ADAMTSL1: variants seen among roughly 807,000 people sequenced by gnomAD.
ADAMTSL1 encodes ADAMTS like 1.
Under a neutral mutation model 201.8 loss-of-function variants are expected in ADAMTSL1, and 126 were observed. The ratio of observed to expected loss-of-function variants is 0.62; its 90% CI spans 0.54 to 0.72. The LOEUF is 0.72. ADAMTSL1 is among the 30% of genes least tolerant of loss of function. The pLI, the probability that ADAMTSL1 is intolerant of heterozygous loss-of-function variation, is 0.00. For synonymous variants in ADAMTSL1, 1,121 were observed against 903.4 expected (o/e 1.24, Z -4.32); for missense variants, 2,679 against 2,277.8 (o/e 1.18, Z -3.59).
intron 20 of ADAMTSL1, among the ~76,000 whole-genome samples, chr9:18,809,989 A>G (rs1295267333): frequency 6.6e-6 from 1 of 152,178 alleles, no homozygotes; most frequent in East Asian, 1.9e-4. Flanking sequence ...GCCAGAGATT[A>G]TGGTAGCATT....
intron 23 of ADAMTSL1, among the ~76,000 whole-genome samples, chr9:18,851,815 G>A (rs1402883164): frequency 6.6e-6 from 1 of 152,176 alleles, no homozygotes; most frequent in Non-Finnish European, 1.5e-5. Context: ...CTTTCCTAGA[G>A]GAAGATCGTG....
At position 18,776,888 on chromosome 9, in the gene ADAMTSL1, G is replaced by A; in HGVS notation, c.2659G>A (p.Ala887Thr). Reference protein sequence around the residue: ...RKLHFVVGGFAYLLPKTAVVL... With the variant: ...RKLHFVVGGFTYLLPKTAVVL... ...GCTGCACTTCGTGGTGGGGGGCTTCGCCTACCTGCTCCCCAAGACGGCGGT... is the reference window on the plus strand; with the variant it reads ...GCTGCACTTCGTGGTGGGGGGCTTCACCTACCTGCTCCCCAAGACGGCGGT... The change falls in exon 19 of 29, where the codon GCC becomes ACC. Residue 887 changes from alanine to threonine, a missense_variant. Transcript: ENST00000380548. The A allele has an allele frequency of 6.2e-7, 1 of 1,611,182 alleles. No homozygotes were observed. The highest frequency in any genetic ancestry group is 8.5e-7 in the Non-Finnish European group (1 of 1,179,138).
chr9:18,207,070 T>G lies in ADAMTSL1; in HGVS notation c.207+43089T>G, dbSNP rs370353101. 6.9e-4 allele frequency among the ~76,000 whole-genome samples: 104 copies of G among 151,606 alleles called. 2 individuals are homozygous for G. In the South Asian group the frequency reaches 0.021, roughly 31 times the overall value. On this transcript the variant is annotated intron_variant, in intron 2 of 29. Coordinates refer to the ADAMTSL1 transcript ENST00000680146. ...ATCCCAGCTACTCAGGAGGCTCAGG[T>G]AGGAGAATCGCTGGAACCTGGGAGG...
chr9:18,110,224 T>A (rs994439610), intron 1 of ADAMTSL1, among the ~76,000 whole-genome samples: 1 of 152,198 alleles, frequency 6.6e-6, no homozygotes, highest in Non-Finnish European at 1.5e-5. Context: ...CTCAAATGGA[T>A]CTGAGGGCCG....
intron 5 of ADAMTSL1, among the ~76,000 whole-genome samples, chr9:18,629,911 C>A (rs1826638362): frequency 6.6e-6 from 1 of 152,078 alleles, no homozygotes; most frequent in Non-Finnish European, 1.5e-5. Context: ...TTATGGAACA[C>A]CATTATAGTA....
At chr9:17,985,765 A>G (rs1818903361) in intron 1 of ADAMTSL1, among the ~76,000 whole-genome samples, 2 of 152,164 alleles carry the variant, frequency 1.3e-5, no homozygotes, top group Admixed American at 1.3e-4. Context: ...GCAAAATAAG[A>G]TTCATGGAGG....
intron 2 of ADAMTSL1, among the ~76,000 whole-genome samples, chr9:18,261,012 CTT>C (rs3085417): frequency 0.24 from 24,547 of 103,746 alleles, 2,002 homozygotes; most frequent in Middle Eastern, 0.38. Flanking sequence ...TTTCCTTTTT[CTT>C]TTTTTTTTTT....
At chr9:18,821,350 C>G (rs995668426) in intron 21 of ADAMTSL1, among the ~76,000 whole-genome samples, 1 of 152,158 alleles carries the variant, frequency 6.6e-6, no homozygotes, top group African/African-American at 2.4e-5. Flanking sequence ...GTGGGTCTGA[C>G]ATCTGGAACA....
intron 2 of ADAMTSL1, among the ~76,000 whole-genome samples, chr9:18,347,822 G>C (rs1470445858): frequency 6.6e-6 from 1 of 152,094 alleles, no homozygotes; most frequent in Non-Finnish European, 1.5e-5. Context: ...TTTTAAGTTA[G>C]GTGTTGAATG....
chr9:18,055,478 C>A (rs992242038), intron 1 of ADAMTSL1, among the ~76,000 whole-genome samples: 1 of 152,180 alleles, frequency 6.6e-6, no homozygotes, highest in Non-Finnish European at 1.5e-5. Context: ...TCTAAAAACC[C>A]TTCTATAAAC....
intron 1 of ADAMTSL1, among the ~76,000 whole-genome samples, chr9:17,974,825 T>C (rs1818376226): frequency 6.6e-6 from 1 of 152,088 alleles, no homozygotes; most frequent in African/African-American, 2.4e-5. Flanking sequence ...TTATGAATAA[T>C]GCTGCAATGA....
intron 2 of ADAMTSL1, among the ~76,000 whole-genome samples, chr9:18,170,494 T>C (rs1178734306): frequency 6.6e-6 from 1 of 152,016 alleles, no homozygotes; most frequent in East Asian, 1.9e-4. Context: ...AACTGAAGTC[T>C]GAAAGAGGTA....
chr9:18,631,661 A>G (rs1435142808), intron 5 of ADAMTSL1, among the ~76,000 whole-genome samples: 1 of 152,196 alleles, frequency 6.6e-6, no homozygotes, highest in Non-Finnish European at 1.5e-5. Context: ...ACAGCTGTGA[A>G]TCACGCAGAA....
rs143146412 is a variant in ADAMTSL1 at position 18,467,110 on chromosome 9, T to C, written c.208-37719T>C. 6.2e-3 allele frequency among the ~76,000 whole-genome samples: 948 copies of C among 152,324 alleles called. 5 individuals are homozygous for C. Among genetic ancestry groups the C allele is most frequent in the Non-Finnish European group, 0.01 (708 of 68,022 alleles). ...AGGGTGCTGTACTCCGTTCTGTGAA[T>C]ACAAGAGTTTGTAATCTTGATATTT... is the stretch of plus-strand genomic sequence containing the variant. On this transcript the variant is annotated intron_variant, in intron 2 of 29. Coordinates refer to the ADAMTSL1 transcript ENST00000680146.
At chr9:18,232,515 T>G (rs192435463) in intron 2 of ADAMTSL1, among the ~76,000 whole-genome samples, 4 of 152,358 alleles carry the variant, frequency 2.6e-5, no homozygotes, top group Admixed American at 2.6e-4. Flanking sequence ...TCCCTTTTTT[T>G]CGCTGATGTG....
At chr9:18,174,315 T>C (rs558490255) in intron 2 of ADAMTSL1, among the ~76,000 whole-genome samples, 1 of 152,222 alleles carries the variant, frequency 6.6e-6, no homozygotes, top group East Asian at 1.9e-4. Flanking sequence ...GACTTAGTCA[T>C]GTATGGAGGC....
In ADAMTSL1 at chr9:18,337,974, G is replaced by C. The variant is rs994430687; in HGVS notation, c.208-166855G>C. The stretch of plus-strand genomic sequence containing the variant: ...GCGTGGGGGTGGTCAAGCCCGGCTT[G>C]GTTACAGGAGTGGGGCAAAAGATGA... On this transcript the variant is annotated intron_variant, in intron 2 of 29. Transcript: ENST00000680146. Among the ~76,000 whole-genome samples, 4 of 152,172 alleles carry C rather than the reference G, an allele frequency of 2.6e-5. No individual in the cohort carries two copies. The East Asian group carries it at 7.7e-4, about 29-fold the overall frequency.
At chr9:18,660,036 G>C (rs966090595) in intron 8 of ADAMTSL1, among the ~76,000 whole-genome samples, 1 of 151,940 alleles carries the variant, frequency 6.6e-6, no homozygotes, top group South Asian at 2.1e-4. Context: ...TACATAATAG[G>C]GACATTGATG....
chr9:17,954,720 A>C (rs1827863361), intron 1 of ADAMTSL1, among the ~76,000 whole-genome samples: 1 of 152,184 alleles, frequency 6.6e-6, no homozygotes, highest in South Asian at 2.1e-4. Flanking sequence ...GGGAAGTAGA[A>C]GACCAGAGTT....
Sources: gnomAD v4.1 joint callset for allele counts (sites outside exome capture counted in the v4.1 genomes callset) on GRCh38, gnomAD v4.1.1 for gene constraint, MANE v1.5 for transcripts, NCBI Gene and HGNC (gene_info 2026-07-23, HGNC 2026-07-21) for gene names.